Variants in XPO7 observed in about 807,000 individuals in gnomAD.
The protein encoded by XPO7 is exportin 7, also known as exportin-7.
XPO7 carries 21 observed loss-of-function variants against 144.3 expected under a neutral mutation model. The ratio of observed to expected loss-of-function variants is 0.15; its 90% CI spans 0.10 to 0.21. The LOEUF is 0.21. Ranked by LOEUF, XPO7 falls within the 10% of genes least tolerant of loss-of-function variation. The probability of loss-of-function intolerance (pLI) is 1.00; values close to 1 mark genes in which losing one functional copy is unlikely to be tolerated. For synonymous variants in XPO7, 580 were observed against 499.6 expected (o/e 1.16, Z -2.15); for missense variants, 808 against 1,325.8 (o/e 0.61, Z 6.06).
rs201045718 is a variant in XPO7 at position 21,987,884 on chromosome 8, A to G, written c.1787+27A>G. The G allele has an allele frequency of 1.3e-5, 21 of 1,611,566 alleles. No homozygotes were observed. In the African/African-American group the frequency reaches 2.3e-4, roughly 17 times the overall value. Reference sequence around the variant, plus strand: ...TAAGTGTTTCAGCTTGCCACCAGCAAGAGTCCTTTGCACTCCTGTTGCAAC... The same window carrying G: ...TAAGTGTTTCAGCTTGCCACCAGCAGGAGTCCTTTGCACTCCTGTTGCAAC... On this transcript the variant is annotated intron_variant, in intron 15 of 27. Coordinates refer to ENST00000252512, the MANE Select transcript of XPO7 (RefSeq NM_015024.5).
At position 21,987,182 on chromosome 8, in the gene XPO7, A is replaced by C; in HGVS notation, c.1619A>C (p.Gln540Pro). ...AACCTAACAGATTCTCGTTTGGCCC[A>C]GGCGGGTAATGAGAAGCTAGAGTTG... is the stretch of plus-strand genomic sequence containing the variant. ...LMNLTDSRLA[Q>P]AGNEKLELAM... The change falls in exon 14 of 28, where the codon CAG becomes CCG. Residue 540 changes from glutamine (Q) to proline (P), a missense_variant. By Grantham distance (76) the Gln-to-Pro change is moderately conservative (BLOSUM62 -1). Coordinates refer to ENST00000252512, the MANE Select transcript of XPO7 (RefSeq NM_015024.5). 6.2e-7 allele frequency: 1 copy of C among 1,614,036 alleles called. No homozygotes were observed. The highest frequency in any genetic ancestry group is 8.5e-7 in the Non-Finnish European group (1 of 1,179,886).
intron 12 of XPO7, 134 bp from the exon 13 acceptor site, chr8:21,985,452 G>T (rs1585469459): frequency 1.2e-6 from 1 of 808,638 alleles, no homozygotes; most frequent in East Asian, 2.5e-5. Context: ...AAGCAGAGAA[G>T]TAGCCATTCT....
At chr8:21,935,279 G>A (rs1283784824) in intron 1 of XPO7, among the ~76,000 whole-genome samples, 2 of 152,194 alleles carry the variant, frequency 1.3e-5, no homozygotes, top group African/African-American at 4.8e-5. Flanking sequence ...ATGCTAACTA[G>A]TTTGCCATAT....
chr8:21,992,048 C>G, intron 19 of XPO7, 74 bp downstream of exon 19: 1 of 1,187,614 alleles, frequency 8.4e-7, no homozygotes, highest in South Asian at 1.4e-5. Flanking sequence ...TCGTGCTTGA[C>G]TGTAAACTAT....
chr8:21,976,022 A>G (rs1485013669), intron 6 of XPO7, among the ~76,000 whole-genome samples: 2 of 152,246 alleles, frequency 1.3e-5, no homozygotes, highest in Non-Finnish European at 2.9e-5. Context: ...AAGATCTCAC[A>G]TGCCAATAAA....
chr8:21,965,383 A>G (rs1811849813), intron 1 of XPO7, among the ~76,000 whole-genome samples: 1 of 152,210 alleles, frequency 6.6e-6, no homozygotes, highest in Admixed American at 6.5e-5. Context: ...AGCCATGTGA[A>G]TAAACTCAGG....
intron 27 of XPO7, 58 bp from the exon 28 acceptor site, chr8:22,004,937 A>T: frequency 1.5e-6 from 1 of 678,440 alleles, no homozygotes. Context: ...AAAAAAAAAA[A>T]GGCAAATACC....
chr8:21,936,937 G>A (rs1005482898), intron 1 of XPO7, among the ~76,000 whole-genome samples: 3 of 152,140 alleles, frequency 2.0e-5, no homozygotes, highest in African/African-American at 7.2e-5. Flanking sequence ...TTAACTAGGC[G>A]ACGCAGTACT....
intron 1 of XPO7, among the ~76,000 whole-genome samples, chr8:21,958,508 T>G (rs1449567020): frequency 6.6e-6 from 1 of 151,988 alleles, no homozygotes; most frequent in Non-Finnish European, 1.5e-5. Flanking sequence ...ATCACAGCCG[T>G]CTTGCCCTTA....
intron 7 of XPO7, among the ~76,000 whole-genome samples, chr8:21,976,741 C>T (rs968846309): frequency 6.6e-6 from 1 of 152,224 alleles, no homozygotes; most frequent in Admixed American, 6.5e-5. Context: ...GCATCCTCAA[C>T]CTCCTGGACT....
At chr8:21,984,620 T>C in intron 11 of XPO7, 26 bp from the exon 12 acceptor site, 1 of 1,580,722 alleles carries the variant, frequency 6.3e-7, no homozygotes, top group Non-Finnish European at 8.6e-7. Flanking sequence ...TTAAGAGAGC[T>C]GCCTTCCTTC....
Position 21,990,983 on chromosome 8 carries a change from G to T in XPO7, c.2041+64G>T, listed in dbSNP as rs1002631948. 24 of 1,456,430 alleles carry T rather than the reference G, an allele frequency of 1.6e-5. 1 individual carries two copies. In the African/African-American group the frequency reaches 3.4e-4, roughly 20 times the overall value. 90.2% of individuals were successfully genotyped at this position (1,456,430 alleles called of 1,614,324 possible). On this transcript the variant is annotated intron_variant, in intron 18 of 27. Coordinates refer to ENST00000252512, the MANE Select transcript of XPO7 (RefSeq NM_015024.5). Reference sequence around the variant, plus strand: ...GCACTCTTCTAAATTTTTATTTGAGGACTGAAAACTAGATGTTGGGGAGGC... The same window carrying T: ...GCACTCTTCTAAATTTTTATTTGAGTACTGAAAACTAGATGTTGGGGAGGC...
chr8:21,919,854 C>T (rs866518228), intron 1 of XPO7, 66 bp downstream of exon 1: 234 of 321,382 alleles, frequency 7.3e-4, no homozygotes, highest in Admixed American at 1.1e-3. Context: ...GGGGTGCACA[C>T]GGCCCACAGG....
intron 1 of XPO7, among the ~76,000 whole-genome samples, chr8:21,962,193 G>T (rs1341413342): frequency 1.3e-5 from 2 of 152,146 alleles, no homozygotes; most frequent in Non-Finnish European, 2.9e-5. Context: ...TTTGCCCTGT[G>T]AACTCTATTG....
chr8:21,924,280 T>G (rs1810386528), intron 1 of XPO7, among the ~76,000 whole-genome samples: 1 of 152,142 alleles, frequency 6.6e-6, no homozygotes, highest in Non-Finnish European at 1.5e-5. Context: ...TTCAAAAACT[T>G]TTTATTGAAA....
intron 1 of XPO7, among the ~76,000 whole-genome samples, chr8:21,931,698 C>A (rs564443220): frequency 3.2e-4 from 49 of 152,244 alleles, no homozygotes; most frequent in African/African-American, 1.2e-3. Flanking sequence ...GCTGCCAATA[C>A]CCCTTAAAGG....
rs765678846 is a variant in XPO7, at chr8:21,984,604, C to T, written c.1278-42C>T. ...CTGCTATATTGGGCAAATCAGTAGTCATATTTTAAGAGAGCTGCCTTCCTT... is the reference window on the plus strand; with the variant it reads ...CTGCTATATTGGGCAAATCAGTAGTTATATTTTAAGAGAGCTGCCTTCCTT... On this transcript the variant is annotated intron_variant, in intron 11 of 27. Coordinates refer to ENST00000252512, the MANE Select transcript of XPO7 (RefSeq NM_015024.5). 7.8e-6 allele frequency: 12 copies of T among 1,533,104 alleles called. No homozygotes were observed. In the South Asian group the frequency reaches 1.5e-4, roughly 19 times the overall value. The allele number at this position is 1,533,104 out of a possible 1,614,324, so 95.0% of individuals were successfully genotyped here. A position where few individuals can be genotyped will look rare whatever the true frequency, so the allele number is the denominator to read the frequency against.
chr8:22,000,336 C>G (rs1402445152), intron 24 of XPO7, among the ~76,000 whole-genome samples: 1 of 152,100 alleles, frequency 6.6e-6, no homozygotes, highest in Non-Finnish European at 1.5e-5. Context: ...TGTTTGAATT[C>G]TGTCCTGAGG....
chr8:21,932,918 C>G (rs1184216686), intron 1 of XPO7, among the ~76,000 whole-genome samples: 1 of 152,018 alleles, frequency 6.6e-6, no homozygotes, highest in Non-Finnish European at 1.5e-5. Context: ...ACATTGACCT[C>G]TGTTTAATAT....
Sources: allele counts gnomAD v4.1 joint callset (sites outside exome capture counted in the v4.1 genomes callset), GRCh38; gene constraint gnomAD v4.1.1; transcripts MANE v1.5; gene names NCBI Gene and HGNC (gene_info 2026-07-23, HGNC 2026-07-21).